Variants in EYA4 observed in about 807,000 individuals in gnomAD.
EYA4 encodes the protein EYA transcriptional coactivator and phosphatase 4, also known as protein phosphatase EYA4.
Under a neutral mutation model 87.9 loss-of-function variants are expected in EYA4, and 31 were observed. The observed-to-expected ratio is 0.35, with a 90% CI of 0.27 to 0.48. EYA4 has a LOEUF of 0.48. Among genes scored for constraint, EYA4 ranks in the 20% least tolerant of loss-of-function variants. The pLI is 0.99. For missense variants in EYA4, 678 were observed against 761.4 expected (o/e 0.89, Z 1.29); for synonymous variants, 263 against 270.6 (o/e 0.97, Z 0.28).
intron 3 of EYA4, among the ~76,000 whole-genome samples, chr6:133,424,772 CTCAAGAGCACAAGGA>C (rs1323326772): frequency 1.3e-5 from 2 of 150,856 alleles, no homozygotes; most frequent in African/African-American, 5.0e-5. Flanking sequence ...CTTGGCACCC[CTCAAGAGCACAAGGA>C]GGCTTGGATC....
intron 2 of EYA4, among the ~76,000 whole-genome samples, chr6:133,341,381 C>A (rs1445925251): frequency 6.6e-6 from 1 of 152,176 alleles, no homozygotes; most frequent in Non-Finnish European, 1.5e-5. Context: ...TGGATACCTA[C>A]CATGTTCCAA....
At chr6:133,458,114 A>G (rs1242526492) in intron 6 of EYA4, among the ~76,000 whole-genome samples, 1 of 152,162 alleles carries the variant, frequency 6.6e-6, no homozygotes, top group Non-Finnish European at 1.5e-5. Context: ...GGCATGAACA[A>G]TCATCCTGTC....
At chr6:133,524,854 C>G (rs61641741) in intron 18 of EYA4, among the ~76,000 whole-genome samples, 1 of 152,048 alleles carries the variant, frequency 6.6e-6, no homozygotes, top group Non-Finnish European at 1.5e-5. Context: ...ATCATCTGTC[C>G]GAAGTAACGC....
At chr6:133,389,500 A>G (rs886703106) in intron 3 of EYA4, among the ~76,000 whole-genome samples, 1 of 152,242 alleles carries the variant, frequency 6.6e-6, no homozygotes, top group Non-Finnish European at 1.5e-5. Flanking sequence ...AGCACATAGC[A>G]GGTCCCCAGT....
chr6:133,388,261 G>T (rs1447912689), intron 3 of EYA4, among the ~76,000 whole-genome samples: 1 of 151,824 alleles, frequency 6.6e-6, no homozygotes, highest in Non-Finnish European at 1.5e-5. Context: ...ACAAAAATTA[G>T]TAGGGCATAG....
chr6:133,268,032 A>G (rs140731059), intron 1 of EYA4, among the ~76,000 whole-genome samples: 53 of 152,324 alleles, frequency 3.5e-4, no homozygotes, highest in African/African-American at 1.2e-3. Context: ...GGCATTGAAT[A>G]TGTATACAAT....
chr6:133,509,002 C>A (rs905137933), intron 14 of EYA4, among the ~76,000 whole-genome samples: 1 of 152,168 alleles, frequency 6.6e-6, no homozygotes, highest in Non-Finnish European at 1.5e-5. Flanking sequence ...AATTGAGTTT[C>A]TGCAGATAAA....
At chr6:133,405,941 G>A (rs1434618102) in intron 3 of EYA4, among the ~76,000 whole-genome samples, 1 of 152,120 alleles carries the variant, frequency 6.6e-6, no homozygotes, top group African/African-American at 2.4e-5. Context: ...CCTGAGGTGA[G>A]AGCATGTCTG....
intron 1 of EYA4, among the ~76,000 whole-genome samples, chr6:133,265,985 T>TA (rs1356086264): frequency 6.6e-6 from 1 of 152,234 alleles, no homozygotes; most frequent in African/African-American, 2.4e-5. Context: ...AATTCTTACA[T>TA]ATGCTTTCTG....
intron 2 of EYA4, among the ~76,000 whole-genome samples, chr6:133,276,334 C>T (rs1777160749): frequency 2.0e-5 from 3 of 152,116 alleles, no homozygotes; most frequent in African/African-American, 7.2e-5. Flanking sequence ...AGTGCTAAAG[C>T]ACACAAAGTT....
At chr6:133,407,088 G>T (rs948024153) in intron 3 of EYA4, among the ~76,000 whole-genome samples, 4 of 151,974 alleles carry the variant, frequency 2.6e-5, no homozygotes, top group African/African-American at 9.7e-5. Context: ...AAATTCAGAA[G>T]ATAAGAAAAA....
At chr6:133,439,927 G>C (rs73544908) in intron 3 of EYA4, among the ~76,000 whole-genome samples, 3,950 of 152,264 alleles carry the variant, frequency 0.026, 166 homozygotes, top group African/African-American at 0.088. Context: ...CCCAGGAATT[G>C]GTCAAGGGAC....
intron 2 of EYA4, among the ~76,000 whole-genome samples, chr6:133,376,746 A>G (rs981911913): frequency 2.0e-5 from 3 of 152,046 alleles, no homozygotes; most frequent in African/African-American, 7.2e-5. Flanking sequence ...AATTCCAAAG[A>G]GTCCAGAAAT....
At chr6:133,293,996 AAAATTCCTGTGCTCCC>A (rs1778707971) in intron 2 of EYA4, among the ~76,000 whole-genome samples, 1 of 122,226 alleles carries the variant, frequency 8.2e-6, no homozygotes, top group Non-Finnish European at 1.7e-5. Context: ...ATATATATAT[AAAATTCCTGTGCTCCC>A]TAGGGTGATT....
At chr6:133,428,170 G>A (rs184344480) in intron 3 of EYA4, among the ~76,000 whole-genome samples, 36 of 152,272 alleles carry the variant, frequency 2.4e-4, no homozygotes, top group Admixed American at 2.0e-3. Flanking sequence ...AAATCCCTGT[G>A]GAGATAACCA....
At chr6:133,266,159 T>G (rs1432190386) in intron 1 of EYA4, among the ~76,000 whole-genome samples, 1 of 152,208 alleles carries the variant, frequency 6.6e-6, no homozygotes, top group Non-Finnish European at 1.5e-5. Flanking sequence ...GCAGGTATGA[T>G]CAAGTTAAAA....
rs558673688 is a variant in EYA4 at position 133,389,548 on chromosome 6, C to T, written c.83+7107C>T. Among the ~76,000 whole-genome samples the T allele has an allele frequency of 2.0e-5, 3 of 152,334 alleles. No individual in the cohort carries two copies. In the South Asian group the frequency reaches 6.2e-4, roughly 32 times the overall value. ...AATGAATGAATAACTTCCAAATACA[C>T]AAATCTGGCTTGCAATTGCTCCTGG... On this transcript the variant is annotated intron_variant, in intron 3 of 19. Transcript: ENST00000355286.
At chr6:133,411,070 C>A (rs1274430880) in intron 3 of EYA4, among the ~76,000 whole-genome samples, 1 of 148,060 alleles carries the variant, frequency 6.8e-6, no homozygotes, top group East Asian at 2.1e-4. Flanking sequence ...TGTTTACTTA[C>A]AAGCACTTTA....
intron 2 of EYA4, among the ~76,000 whole-genome samples, chr6:133,367,352 T>G (rs367610801): frequency 2.0e-5 from 3 of 152,180 alleles, no homozygotes; most frequent in Non-Finnish European, 4.4e-5. Context: ...ACAAAGTAAA[T>G]GTAAAGGATG....
Sources: gnomAD v4.1 joint callset for allele counts (sites outside exome capture counted in the v4.1 genomes callset) on GRCh38, gnomAD v4.1.1 for gene constraint, MANE v1.5 for transcripts, NCBI Gene and HGNC (gene_info 2026-07-23, HGNC 2026-07-21) for gene names.